Variants in BICRA observed in about 807,000 individuals in gnomAD.
The protein encoded by BICRA is BRD4 interacting chromatin remodeling complex associated protein.
In BICRA, 31 loss-of-function variants were observed where a neutral mutation model predicts 96.9. The ratio of observed to expected loss-of-function variants is 0.32; its 90% CI spans 0.24 to 0.43. BICRA has a LOEUF of 0.43. Ranked by LOEUF, BICRA falls within the 20% of genes least tolerant of loss-of-function variation. BICRA has a pLI of 1.00. For synonymous variants in BICRA, 1,350 were observed against 1,071.8 expected (o/e 1.26, Z -5.07); for missense variants, 2,283 against 2,190.3 (o/e 1.04, Z -0.84).
intron 1 of BICRA, among the ~76,000 whole-genome samples, chr19:47,643,224 C>T (rs1325089962): frequency 6.6e-6 from 1 of 152,232 alleles, no homozygotes; most frequent in Non-Finnish European, 1.5e-5. Context: ...CCCACCTCAG[C>T]CTTCCAAAGT....
intron 1 of BICRA, among the ~76,000 whole-genome samples, chr19:47,650,616 A>C (rs1053852108): frequency 2.0e-5 from 3 of 152,094 alleles, no homozygotes; most frequent in Admixed American, 6.6e-5. Flanking sequence ...AACCCAATAT[A>C]AAAGGTGTTG....
chr19:47,611,873 AT>A lies in BICRA; in HGVS notation c.-108+2720del, dbSNP rs748794734. Among the ~76,000 whole-genome samples, 266 of 143,084 alleles carry A rather than the reference AT, an allele frequency of 1.9e-3. 1 individual carries two copies. The highest frequency in any genetic ancestry group is 0.013 in the East Asian group (63 of 4,922). The allele number at this position is 143,084 out of a possible 152,430, so 93.9% of individuals were successfully genotyped here. A position where few individuals can be genotyped will look rare whatever the true frequency, so the allele number is the denominator to read the frequency against. ...GAGGAATGTCAACTGGTGGCATTTA[AT>A]TTTTTTTTTTTTTTGAGACAGAGTC... On this transcript the variant is annotated intron_variant, in intron 1 of 14. Coordinates refer to ENST00000594866, the MANE Select transcript of BICRA (RefSeq NM_001394372.1).
intron 5 of BICRA, chr19:47,678,847 T>C: frequency 4.9e-6 from 1 of 204,848 alleles, no homozygotes; most frequent in Non-Finnish European, 9.7e-6. Flanking sequence ...TGATCCCGGG[T>C]CCAGCCACTT....
At chr19:47,683,415 C>T (rs1446491384) in intron 7 of BICRA, among the ~76,000 whole-genome samples, 2 of 152,134 alleles carry the variant, frequency 1.3e-5, no homozygotes, top group African/African-American at 4.8e-5. Flanking sequence ...GCCATTTGTA[C>T]TTTCTGTTCT....
chr19:47,613,605 C>A (rs1971941941), intron 1 of BICRA, among the ~76,000 whole-genome samples: 1 of 152,140 alleles, frequency 6.6e-6, no homozygotes, highest in Non-Finnish European at 1.5e-5. Flanking sequence ...AAGAATTGCC[C>A]CCTCCTTACT....
At position 47,702,746 on chromosome 19, in the gene BICRA, G is replaced by T. The variant is rs1973488701; in HGVS notation, c.*331G>T. The T allele has an allele frequency of 1.4e-5, 5 of 355,106 alleles. No individual in the cohort carries two copies. The highest frequency in any genetic ancestry group is 1.1e-4 in the Admixed American group (2 of 18,838). 22.0% of individuals were successfully genotyped at this position (355,106 alleles called of 1,614,324 possible). On this transcript the variant is annotated 3_prime_UTR_variant, in exon 15 of 15. Transcript: ENST00000594866. ...ACGCGCATGTGTTTGCCAGGGATGG[G>T]GCCACCGGGTTGATGCCAACGCTCC...
intron 7 of BICRA, among the ~76,000 whole-genome samples, chr19:47,692,962 A>G (rs1973263245): frequency 6.6e-6 from 1 of 152,208 alleles, no homozygotes; most frequent in African/African-American, 2.4e-5. Flanking sequence ...TTCCGCCTTC[A>G]CCAGCCTGGA....
intron 1 of BICRA, among the ~76,000 whole-genome samples, chr19:47,653,063 G>A (rs899098053): frequency 2.4e-5 from 3 of 123,546 alleles, no homozygotes; most frequent in Admixed American, 2.0e-4. Flanking sequence ...CGCGCCGTCC[G>A]CCAGGCTGGA....
chr19:47,678,021 T>C (rs1322191904), intron 5 of BICRA, among the ~76,000 whole-genome samples: 1 of 152,224 alleles, frequency 6.6e-6, no homozygotes, highest in Non-Finnish European at 1.5e-5. Context: ...ATGAAAACAG[T>C]CTCAGTTCTT....
intron 1 of BICRA, among the ~76,000 whole-genome samples, chr19:47,644,727 C>T (rs1972434615): frequency 6.6e-6 from 1 of 152,024 alleles, no homozygotes; most frequent in Non-Finnish European, 1.5e-5. Context: ...TCTCAAACTC[C>T]TGGCCTCAAG....
At chr19:47,627,120 T>G (rs1972153312) in intron 1 of BICRA, among the ~76,000 whole-genome samples, 1 of 152,186 alleles carries the variant, frequency 6.6e-6, no homozygotes, top group African/African-American at 2.4e-5. Flanking sequence ...AGAGCCAGCC[T>G]GGGTTGCTGC....
At chr19:47,628,237 C>G (rs1192554279) in intron 1 of BICRA, among the ~76,000 whole-genome samples, 2 of 152,196 alleles carry the variant, frequency 1.3e-5, no homozygotes, top group Non-Finnish European at 2.9e-5. Context: ...GGCTGTGATG[C>G]AGATCCACAG....
chr19:47,676,568 C>A (rs1484434693), intron 5 of BICRA, among the ~76,000 whole-genome samples: 2 of 95,340 alleles, frequency 2.1e-5, no homozygotes, highest in African/African-American at 7.7e-5. Context: ...CTTCCTTCGG[C>A]CTCCCCCCTC....
chr19:47,672,105 A>C (rs1049393445), intron 2 of BICRA, among the ~76,000 whole-genome samples: 4 of 129,776 alleles, frequency 3.1e-5, no homozygotes, highest in Non-Finnish European at 4.9e-5. Flanking sequence ...AGGTAGATGG[A>C]TGGAAGGATG....
intron 1 of BICRA, among the ~76,000 whole-genome samples, chr19:47,609,376 C>CT (rs774981061): frequency 0.029 from 809 of 27,626 alleles, 29 homozygotes; most frequent in African/African-American, 0.1. Flanking sequence ...CCGCTGCCTC[C>CT]TTTTTTTTTT....
Position 47,679,550 on chromosome 19 carries a change from G to A in BICRA, c.380G>A (p.Gly127Asp), listed in dbSNP as rs1264422108. 3.2e-6 allele frequency: 5 copies of A among 1,546,970 alleles called. No individual in the cohort carries two copies. The highest frequency in any genetic ancestry group is 3.9e-5 in the Admixed American group (2 of 50,684). The change falls in exon 6 of 15, where the codon GGT (glycine) becomes GAT (aspartate). Residue 127 changes from glycine to aspartate, a missense_variant. By Grantham distance (94) the Gly-to-Asp change is moderately conservative. Transcript: ENST00000594866. ...TLEAEAELDLGPFQLPTLQPA... is the reference protein window; with the variant it reads ...TLEAEAELDLDPFQLPTLQPA... ...GAGGCCGAGGCTGAGCTGGACCTGG[G>A]TCCCTTCCAGCTGCCCACCCTGCAG...
chr19:47,660,978 C>G (rs2081179), intron 1 of BICRA, among the ~76,000 whole-genome samples: 109,218 of 151,490 alleles, frequency 0.72, 39,628 homozygotes, highest in African/African-American at 0.81. Context: ...GGGAGGCTGA[C>G]GCGGGCAGAT....
At chr19:47,666,905 C>T (rs1183024743) in intron 1 of BICRA, among the ~76,000 whole-genome samples, 2 of 152,068 alleles carry the variant, frequency 1.3e-5, no homozygotes, top group Admixed American at 6.6e-5. Flanking sequence ...GTAAAATTTT[C>T]CTGTGTTGAA....
intron 1 of BICRA, among the ~76,000 whole-genome samples, chr19:47,643,507 G>A (rs1972413183): frequency 6.6e-6 from 1 of 152,134 alleles, no homozygotes; most frequent in South Asian, 2.1e-4. Context: ...CCTTCTCACG[G>A]CGGGGCTGCT....
Sources: allele counts gnomAD v4.1 joint callset (sites outside exome capture counted in the v4.1 genomes callset), GRCh38; gene constraint gnomAD v4.1.1; transcripts MANE v1.5; gene names NCBI Gene and HGNC (gene_info 2026-07-23, HGNC 2026-07-21).